The following TULP3 variants were observed in gnomAD, a reference collection of about 807,000 sequenced individuals.
TULP3 encodes the protein tubby-related protein 3.
Under a neutral mutation model 50.7 loss-of-function variants are expected in TULP3, and 38 were observed. The observed-to-expected ratio is 0.75, with a 90% confidence interval of 0.58 to 0.98. The LOEUF (loss-of-function observed/expected upper bound fraction) is 0.98. Among genes scored for constraint, TULP3 ranks in the 50% least tolerant of loss-of-function variants. The probability of loss-of-function intolerance (pLI) is 0.00; values close to 1 mark genes in which losing one functional copy is unlikely to be tolerated. For missense variants in TULP3, 550 were observed against 568.0 expected (o/e 0.97, Z 0.32); for synonymous variants, 183 against 196.6 (o/e 0.93, Z 0.58).
intron 3 of TULP3, 54 bp downstream of exon 3, chr12:2,920,976 G>C: frequency 6.2e-7 from 1 of 1,603,650 alleles, no homozygotes; most frequent in Non-Finnish European, 8.5e-7. Context: ...CACAAACCTA[G>C]AAGGCACGAG....
intron 4 of TULP3, among the ~76,000 whole-genome samples, chr12:2,925,924 G>A (rs1390382057): frequency 6.6e-6 from 1 of 152,182 alleles, no homozygotes; most frequent in East Asian, 1.9e-4. Flanking sequence ...AGTGCCAGGT[G>A]AGTTAACGCC....
chr12:2,940,417 C>A lies in TULP3; in HGVS notation c.*973C>A, dbSNP rs1029862072. The A allele has an allele frequency of 1.6e-5, 23 of 1,456,790 alleles. No homozygotes were observed. The African/African-American group carries it at 2.0e-4, about 13-fold the overall frequency. The allele number at this position is 1,456,790 out of a possible 1,614,324, so 90.2% of individuals were successfully genotyped here. A position where few individuals can be genotyped will look rare whatever the true frequency, so the allele number is the denominator to read the frequency against. On this transcript the variant is annotated 3_prime_UTR_variant, in exon 11 of 11. Coordinates refer to ENST00000448120, the MANE Select transcript of TULP3 (RefSeq NM_003324.5). ...CCCGTGTGGCAGAGCTGTGGACTTT[C>A]TTCTCGGCTCCCTCAACCCTGGCTC... is the stretch of plus-strand genomic sequence containing the variant.
intron 1 of TULP3, among the ~76,000 whole-genome samples, chr12:2,906,232 A>C (rs545237886): frequency 6.0e-5 from 9 of 150,648 alleles, no homozygotes; most frequent in Admixed American, 5.9e-4. Context: ...GGGTTTCACC[A>C]TGTTGGCCAG....
intron 2 of TULP3, among the ~76,000 whole-genome samples, chr12:2,920,507 CA>C (rs1565503433): frequency 6.9e-6 from 1 of 145,610 alleles, no homozygotes; most frequent in South Asian, 2.2e-4. Flanking sequence ...GACTCTGTCT[CA>C]AAAAAAAGAA....
Position 2,940,847 on chromosome 12 carries a change from C to A in TULP3, c.*1403C>A. On this transcript the variant is annotated 3_prime_UTR_variant, in exon 11 of 11. Transcript: ENST00000448120. ...TGTATCCCACCAAGTGCCTCCCTCACAGCCATGCCCAGAAGCCTCACACCT... is the reference window on the plus strand; with the variant it reads ...TGTATCCCACCAAGTGCCTCCCTCAAAGCCATGCCCAGAAGCCTCACACCT... 1 of 881,228 alleles carries A rather than the reference C, an allele frequency of 1.1e-6. No homozygotes were observed. The allele number at this position is 881,228 out of a possible 1,614,324, so 54.6% of individuals were successfully genotyped here.
chr12:2,899,603 G>A (rs2098177665), intron 1 of TULP3, among the ~76,000 whole-genome samples: 1 of 151,846 alleles, frequency 6.6e-6, no homozygotes, highest in Non-Finnish European at 1.5e-5. Context: ...GATAAAACTT[G>A]GAGGCGGGGG....
At chr12:2,900,338 G>A (rs757069745) in intron 1 of TULP3, among the ~76,000 whole-genome samples, 13 of 152,120 alleles carry the variant, frequency 8.5e-5, no homozygotes, top group Non-Finnish European at 1.8e-4. Context: ...CACTTTCTTA[G>A]GCTGTTTGAA....
intron 2 of TULP3, among the ~76,000 whole-genome samples, chr12:2,913,201 T>TGTGTGTGTG (rs1565501058): frequency 1.5e-4 from 22 of 146,570 alleles, no homozygotes; most frequent in African/African-American, 5.3e-4. Flanking sequence ...TATGTTGAGT[T>TGTGTGTGTG]TGTGTGTGTG....
intron 4 of TULP3, among the ~76,000 whole-genome samples, chr12:2,925,588 G>T (rs766370194): frequency 6.6e-6 from 1 of 152,192 alleles, no homozygotes; most frequent in Non-Finnish European, 1.5e-5. Flanking sequence ...TTTAATAGTT[G>T]TAATAGTGCC....
intron 2 of TULP3, among the ~76,000 whole-genome samples, chr12:2,919,734 G>C (rs1201486096): frequency 6.6e-6 from 1 of 151,824 alleles, no homozygotes; most frequent in Non-Finnish European, 1.5e-5. Flanking sequence ...CTATGTGCTA[G>C]TACCTTCCTT....
intron 4 of TULP3, among the ~76,000 whole-genome samples, chr12:2,929,249 G>A (rs1342350106): frequency 1.3e-5 from 2 of 151,926 alleles, no homozygotes; most frequent in Admixed American, 6.6e-5. Context: ...CCCGGGAGGC[G>A]GAGCTTGCAG....
chr12:2,921,675 T>C (rs2098191842), intron 3 of TULP3, among the ~76,000 whole-genome samples: 1 of 152,194 alleles, frequency 6.6e-6, no homozygotes, highest in African/African-American at 2.4e-5. Flanking sequence ...ACAGGATCTG[T>C]ACTATGGAGG....
intron 4 of TULP3, among the ~76,000 whole-genome samples, chr12:2,927,554 C>T (rs1363273175): frequency 6.6e-6 from 1 of 151,784 alleles, no homozygotes; most frequent in East Asian, 1.9e-4. Flanking sequence ...AGGGTTTCAC[C>T]TTATTGGCCA....
chr12:2,891,864 G>A (rs1240072447), intron 1 of TULP3, among the ~76,000 whole-genome samples: 1 of 152,070 alleles, frequency 6.6e-6, no homozygotes, highest in Non-Finnish European at 1.5e-5. Context: ...GACCAGCCTG[G>A]ACAAGATAGC....
intron 2 of TULP3, among the ~76,000 whole-genome samples, chr12:2,920,436 G>C (rs1431232291): frequency 6.6e-6 from 1 of 152,044 alleles, no homozygotes; most frequent in African/African-American, 2.4e-5. Context: ...GCGTGCCTTG[G>C]AGGTCAAGGC....
chr12:2,940,731 G>C lies in TULP3; in HGVS notation c.*1287G>C, dbSNP rs1229521802. ...CCACATCAGATAAGCATGTGAAGGA[G>C]GGCCAACTGGCAGCTGCGGGACCCT... On this transcript the variant is annotated 3_prime_UTR_variant, in exon 11 of 11. Coordinates refer to ENST00000448120, the MANE Select transcript of TULP3 (RefSeq NM_003324.5). The C allele has an allele frequency of 6.5e-7, 1 of 1,547,622 alleles. No homozygotes were observed. Among genetic ancestry groups the C allele is most frequent in the Non-Finnish European group, 8.7e-7 (1 of 1,144,696 alleles).
intron 1 of TULP3, among the ~76,000 whole-genome samples, chr12:2,901,437 A>G (rs747723260): frequency 2.0e-5 from 3 of 151,386 alleles, no homozygotes; most frequent in Non-Finnish European, 4.4e-5. Context: ...GCTGGAGTGC[A>G]GTGGCGTGAT....
At position 2,940,779 on chromosome 12, in the gene TULP3, TC is replaced by T; in HGVS notation, c.*1338del. ...CCTTGGCTTGTCCCCCACCGACAAG[TC>T]CCACCTGCTGGGTGAGGACGAGACT... On this transcript the variant is annotated 3_prime_UTR_variant, in exon 11 of 11. Transcript: ENST00000448120. 6.9e-7 allele frequency: 1 copy of T among 1,445,318 alleles called. No individual in the cohort carries two copies. Among genetic ancestry groups the T allele is most frequent in the Non-Finnish European group, 9.4e-7 (1 of 1,066,578 alleles). 89.5% of individuals were successfully genotyped at this position (1,445,318 alleles called of 1,614,324 possible).
At chr12:2,907,429 C>T (rs10848731) in intron 1 of TULP3, among the ~76,000 whole-genome samples, 69,284 of 147,316 alleles carry the variant, frequency 0.47, 16,701 homozygotes, top group African/African-American at 0.59. Context: ...GAGCCGAGAT[C>T]GTGCCACTGC....
Sources: allele counts gnomAD v4.1 joint callset (sites outside exome capture counted in the v4.1 genomes callset), GRCh38; gene constraint gnomAD v4.1.1; transcripts MANE v1.5; gene names NCBI Gene and HGNC (gene_info 2026-07-23, HGNC 2026-07-21).